The following SFXN1 variants were observed in gnomAD, a reference collection of about 807,000 sequenced individuals.
SFXN1 encodes the protein sideroflexin 1.
A neutral mutation model predicts 39.5 loss-of-function variants in SFXN1; 32 were observed. That is an observed-to-expected ratio of 0.81 (90% CI 0.61 to 1.09). The LOEUF is 1.09. SFXN1 is among the 50% of genes least tolerant of loss of function. SFXN1 has a pLI of 0.00. For synonymous variants in SFXN1, 136 were observed against 146.5 expected, an observed-to-expected ratio of 0.93 and a Z score of 0.52; for missense variants, 402 against 407.1, an observed-to-expected ratio of 0.99 and a Z score of 0.11.
At chr5:175,501,053 A>G in intron 2 of SFXN1, among the ~76,000 whole-genome samples, 1 of 148,450 alleles carries the variant, frequency 6.7e-6, no homozygotes, top group South Asian at 2.1e-4. Flanking sequence ...TGACTTTGAT[A>G]TGGGCAAAGA....
Position 175,521,905 on chromosome 5 carries a change from A to C in SFXN1, c.775-14A>C. 6.3e-7 allele frequency: 1 copy of C among 1,588,932 alleles called. No individual in the cohort carries two copies. Among genetic ancestry groups the C allele is most frequent in the Non-Finnish European group, 8.6e-7 (1 of 1,162,782 alleles). On this transcript the variant is annotated splice_polypyrimidine_tract_variant and intron_variant, in intron 8 of 10. Transcript: ENST00000321442. ...GTATAAAAAGTATTCAAAGCCATTT[A>C]TTTCTCAACACAGAGGTTCCCATGG...
chr5:175,489,502 C>T (rs1251011352), intron 1 of SFXN1, among the ~76,000 whole-genome samples: 2 of 152,164 alleles, frequency 1.3e-5, no homozygotes, highest in African/African-American at 4.8e-5. Flanking sequence ...ACTCTGCTTT[C>T]TGTAATATAC....
intron 1 of SFXN1, 190 bp from the exon 2 acceptor site, chr5:175,491,905 A>T: frequency 2.1e-6 from 1 of 467,282 alleles, no homozygotes. Flanking sequence ...TTTAGTTAAG[A>T]TCAATTGAGA....
intron 1 of SFXN1, among the ~76,000 whole-genome samples, chr5:175,487,165 A>G (rs898096434): frequency 6.6e-6 from 1 of 152,154 alleles, no homozygotes; most frequent in East Asian, 1.9e-4. Flanking sequence ...TCCAGCATGA[A>G]GTCCACACCC....
Position 175,492,214 on chromosome 5 carries a change from T to A in SFXN1, c.111T>A (p.Ile37=), listed in dbSNP as rs1473375015. The A allele has an allele frequency of 6.2e-7, 1 of 1,614,004 alleles. No individual in the cohort carries two copies. The highest frequency in any genetic ancestry group is 8.5e-7 in the Non-Finnish European group (1 of 1,179,988). ...HFFTVTDPRN[I]LLTNEQLESA... ...TCACTGTAACTGACCCCAGGAACAT[T>A]CTGTTAACCAACGAACAACTCGAGA... Residue 37 remains isoleucine (I), a synonymous_variant, in exon 2 of 11, where the codon ATT becomes ATA. Transcript: ENST00000321442.
At position 175,526,704 on chromosome 5, in the gene SFXN1, G is replaced by T; in HGVS notation, c.939G>T (p.Leu313Phe). 14 of 1,614,208 alleles carry T rather than the reference G, an allele frequency of 8.7e-6. No homozygotes were observed. The highest frequency in any genetic ancestry group is 1.2e-5 in the Non-Finnish European group (14 of 1,180,016). Residue 313 changes from leucine to phenylalanine, a missense_variant, in exon 11 of 11, where the codon TTG becomes TTT. By Grantham distance (22) the Leu-to-Phe change is conservative (BLOSUM62 0). Transcript: ENST00000321442. The part of the protein sequence containing the change: ...QAKIQESHPE[L>F]RRVYFNKGL ...AGATCCAAGAGAGCCATCCTGAATTGCGACGCGTGTACTTCAATAAGGGAT... is the reference window on the plus strand; with the variant it reads ...AGATCCAAGAGAGCCATCCTGAATTTCGACGCGTGTACTTCAATAAGGGAT...
chr5:175,513,354 G>C, intron 6 of SFXN1, 109 bp from the exon 7 acceptor site: 2 of 925,432 alleles, frequency 2.2e-6, no homozygotes, highest in Non-Finnish European at 3.1e-6. Flanking sequence ...AATGACACTT[G>C]AGTGGGTATT....
At chr5:175,497,644 C>T (rs1496134) in intron 2 of SFXN1, among the ~76,000 whole-genome samples, 41,947 of 151,932 alleles carry the variant, frequency 0.28, 6,064 homozygotes, top group South Asian at 0.44. Flanking sequence ...AACACAATCA[C>T]AGGGCCGGGC....
At chr5:175,497,017 G>A (rs1759882470) in intron 2 of SFXN1, among the ~76,000 whole-genome samples, 1 of 151,914 alleles carries the variant, frequency 6.6e-6, no homozygotes, top group African/African-American at 2.4e-5. Flanking sequence ...AGCCTCCCAA[G>A]TAGCTGGAAT....
Position 175,528,401 on chromosome 5 carries a change from A to G in SFXN1, c.*1667A>G, listed in dbSNP as rs888835013. The G allele has an allele frequency of 6.6e-6, 1 of 152,202 alleles. No homozygotes were observed. The highest frequency in any genetic ancestry group is 6.5e-5 in the Admixed American group (1 of 15,272). 9.4% of individuals were successfully genotyped at this position (152,202 alleles called of 1,614,324 possible). On this transcript the variant is annotated 3_prime_UTR_variant, in exon 11 of 11. Transcript: ENST00000321442. ...ATATGCAAATACTGTGCCATTTTAT[A>G]TCAGGAACTTGAGCATCTGCAGATA...
In SFXN1 at chr5:175,511,463, A is replaced by G. The variant is rs1198707337; in HGVS notation, c.447A>G (p.Thr149=). 1.2e-6 allele frequency: 2 copies of G among 1,614,110 alleles called. No homozygotes were observed. Among genetic ancestry groups the G allele is most frequent in the Admixed American group, 1.7e-5 (1 of 60,020 alleles). The change falls in exon 5 of 11, where the codon ACA becomes ACG. Residue 149 remains threonine, a synonymous_variant. Coordinates refer to ENST00000321442, the MANE Select transcript of SFXN1 (RefSeq NM_022754.7). ...DAPLTVNELG[T]AYVSATTGAV... The stretch of plus-strand genomic sequence containing the variant: ...TTTTTCTTTTCAGTGAGTTGGGAAC[A>G]GCTTACGTTTCTGCAACAACTGGTG...
chr5:175,487,751 A>G (rs1759503040), intron 1 of SFXN1, among the ~76,000 whole-genome samples: 1 of 152,176 alleles, frequency 6.6e-6, no homozygotes, highest in Non-Finnish European at 1.5e-5. Flanking sequence ...TGCCCGCTGG[A>G]CATCTCCACT....
chr5:175,485,892 C>T lies in SFXN1; in HGVS notation c.-9-6203C>T, dbSNP rs145222845. Among the ~76,000 whole-genome samples, 797 of 152,222 alleles carry T rather than the reference C, an allele frequency of 5.2e-3. 7 individuals carry two copies. Among genetic ancestry groups the T allele is most frequent in the African/African-American group, 0.018 (765 of 41,510 alleles). ...TCCCAGAATCTGATTCTTCCGTCTG[C>T]GGAATGTGCATAGGATGTCTGAATC... On this transcript the variant is annotated intron_variant, in intron 1 of 10. Transcript: ENST00000321442.
At chr5:175,520,090 G>A (rs996128857) in intron 8 of SFXN1, among the ~76,000 whole-genome samples, 1 of 151,654 alleles carries the variant, frequency 6.6e-6, no homozygotes, top group Non-Finnish European at 1.5e-5. Context: ...GGATGGTCTT[G>A]ATCTCTTGAC....
At chr5:175,507,460 G>C (rs1261647765) in intron 2 of SFXN1, among the ~76,000 whole-genome samples, 3 of 152,182 alleles carry the variant, frequency 2.0e-5, no homozygotes, top group East Asian at 1.9e-4. Flanking sequence ...AGCAGGTCTG[G>C]TGTGATGCCT....
At position 175,516,632 on chromosome 5, in the gene SFXN1, T is replaced by G; in HGVS notation, c.743T>G (p.Met248Arg). ...APGMAIPPFI[M>R]NTLEKKAFLK... ...TTTCCAGCCATCCCTCCATTCATTA[T>G]GAACACTTTGGAAAAGAAAGCCTTT... Residue 248 changes from methionine to arginine, a missense_variant, in exon 8 of 11, where the codon ATG (methionine) becomes AGG (arginine). Transcript: ENST00000321442. The G allele has an allele frequency of 6.2e-7, 1 of 1,613,388 alleles. No homozygotes were observed. Among genetic ancestry groups the G allele is most frequent in the Non-Finnish European group, 8.5e-7 (1 of 1,179,742 alleles).
intron 6 of SFXN1, among the ~76,000 whole-genome samples, chr5:175,512,831 T>C (rs372668096): frequency 6.6e-6 from 1 of 152,232 alleles, no homozygotes; most frequent in African/African-American, 2.4e-5. Context: ...GTATTATATC[T>C]GTTTCTCATT....
intron 1 of SFXN1, among the ~76,000 whole-genome samples, chr5:175,482,649 A>C (rs1759294181): frequency 1.3e-5 from 2 of 152,146 alleles, no homozygotes; most frequent in Admixed American, 1.3e-4. Context: ...AACTTAATAA[A>C]GATTAATAAA....
chr5:175,517,150 C>T (rs912540544), intron 8 of SFXN1, among the ~76,000 whole-genome samples: 13 of 152,100 alleles, frequency 8.5e-5, no homozygotes, highest in African/African-American at 2.9e-4. Flanking sequence ...GTAGATGTAC[C>T]CTGGCATTTT....
Sources: gnomAD v4.1 joint callset for allele counts (sites outside exome capture counted in the v4.1 genomes callset) on GRCh38, gnomAD v4.1.1 for gene constraint, MANE v1.5 for transcripts, NCBI Gene and HGNC (gene_info 2026-07-23, HGNC 2026-07-21) for gene names.